Variants in SH3TC1 observed in about 807,000 individuals in gnomAD.
SH3TC1 encodes SH3 domain and tetratricopeptide repeat-containing protein 1.
In SH3TC1, 135 loss-of-function variants were observed where a neutral mutation model predicts 117.3. The observed-to-expected ratio is 1.15, with a 90% confidence interval of 1.00 to 1.33. SH3TC1 has a LOEUF of 1.33. Ranked by LOEUF, SH3TC1 falls within the 40% of genes most tolerant of loss-of-function variation. The pLI, the probability that SH3TC1 is intolerant of heterozygous loss-of-function variation, is 0.00. For synonymous variants in SH3TC1, 898 were observed against 816.9 expected (o/e 1.10, Z -1.69); for missense variants, 2,092 against 1,794.3 (o/e 1.17, Z -3.00).
chr4:8,236,501 G>A, intron 16 of SH3TC1, 73 bp downstream of exon 16: 1 of 1,410,430 alleles, frequency 7.1e-7, no homozygotes, highest in Non-Finnish European at 9.3e-7. Flanking sequence ...CTGCAGGGCA[G>A]GAGCCGAAAC....
In SH3TC1 at chr4:8,236,410, G is replaced by A. The variant is rs1373949226; in HGVS notation, c.3538G>A (p.Ala1180Thr). 1 of 1,507,956 alleles carries A rather than the reference G, an allele frequency of 6.6e-7. No homozygotes were observed. The highest frequency in any genetic ancestry group is 1.4e-5 in the African/African-American group (1 of 71,522). 93.4% of individuals were successfully genotyped at this position (1,507,956 alleles called of 1,614,324 possible). The change falls in exon 16 of 18, where the codon GCA becomes ACA. Residue 1180 changes from alanine to threonine, a missense_variant. Transcript: ENST00000245105. ...CTTGGAGTTTGCCCACATGGCCCTA[G>A]CACTCAGCATCACCCTGGGTAAGCC... ...EGLEFAHMALALSITLGDRLN... is the reference protein window; with the variant it reads ...EGLEFAHMALTLSITLGDRLN...
intron 8 of SH3TC1, among the ~76,000 whole-genome samples, 160 bp downstream of exon 8, chr4:8,218,507 A>C (rs1338859499): frequency 6.6e-6 from 1 of 151,316 alleles, no homozygotes; most frequent in Non-Finnish European, 1.5e-5. Flanking sequence ...CAATGGCAAA[A>C]ACCGCAATTA....
intron 1 of SH3TC1, among the ~76,000 whole-genome samples, chr4:8,187,047 A>G (rs1717241434): frequency 6.6e-6 from 1 of 151,616 alleles, no homozygotes; most frequent in African/African-American, 2.4e-5. Flanking sequence ...GACACCTGCC[A>G]TCCTTCAAAG....
intron 3 of SH3TC1, among the ~76,000 whole-genome samples, chr4:8,212,089 G>A (rs1038080921): frequency 2.0e-5 from 3 of 152,080 alleles, no homozygotes; most frequent in Non-Finnish European, 2.9e-5. Flanking sequence ...TGGTGTGTGA[G>A]TAGGAGGTGT....
chr4:8,232,693 C>T, intron 13 of SH3TC1: 1 of 1,290,512 alleles, frequency 7.7e-7, no homozygotes, highest in Non-Finnish European at 1.0e-6. Flanking sequence ...TGGCCCTGGC[C>T]ACCCCACCCA....
In SH3TC1 at chr4:8,209,065, C is replaced by A. The variant is rs190346894; in HGVS notation, c.173-683C>A. Among the ~76,000 whole-genome samples, 20 of 152,310 alleles carry A rather than the reference C, an allele frequency of 1.3e-4. No individual in the cohort carries two copies. The highest frequency in any genetic ancestry group is 2.1e-4 in the Non-Finnish European group (14 of 68,030). Reference sequence around the variant, plus strand: ...TGACCCCCAGCAGGGAACCAAGCAACCAGTAGGGGTCTATGTCCTGGCTCC... The same window carrying A: ...TGACCCCCAGCAGGGAACCAAGCAAACAGTAGGGGTCTATGTCCTGGCTCC... On this transcript the variant is annotated intron_variant, in intron 2 of 17. Transcript: ENST00000245105. The surrounding 1 kb of genome is among the most constrained non-coding windows in gnomAD (Gnocchi z 5.9).
intron 13 of SH3TC1, 37 bp from the exon 14 acceptor site, chr4:8,233,326 T>C (rs376289927): frequency 1.9e-6 from 3 of 1,570,814 alleles, no homozygotes; most frequent in Admixed American, 3.7e-5. Context: ...TCCAGGAGGA[T>C]GACAGCCCTT....
intron 6 of SH3TC1, 126 bp downstream of exon 6, chr4:8,216,383 C>G (rs1402248403): frequency 7.2e-7 from 1 of 1,380,118 alleles, no homozygotes; most frequent in Non-Finnish European, 9.7e-7. Flanking sequence ...CCTCTGGAGG[C>G]TGAGGGGTGC....
intron 9 of SH3TC1, among the ~76,000 whole-genome samples, chr4:8,220,938 G>C (rs1719863352): frequency 6.6e-6 from 1 of 152,240 alleles, no homozygotes; most frequent in Non-Finnish European, 1.5e-5. Flanking sequence ...CTCACACACT[G>C]CTCCATCATA....
chr4:8,209,749 C>CGA lies in SH3TC1; in HGVS notation c.176_177dup (p.Ala60ArgfsTer26). Reference sequence around the variant, plus strand: ...TCCTGGGAACCTGCTGTGTTGCAGACGAGGCTCCTCCTGCCCGCGTGGCTG... The same window carrying CGA: ...TCCTGGGAACCTGCTGTGTTGCAGACGAGAGGCTCCTCCTGCCCGCGTGGCTG... On this transcript the variant is annotated frameshift_variant and splice_region_variant, in exon 3 of 18. Coordinates refer to ENST00000245105, the MANE Select transcript of SH3TC1 (RefSeq NM_018986.5). LOFTEE classifies it high-confidence loss of function. This position sits in a 1 kb window ranked among gnomAD's most constrained non-coding sequence, Gnocchi z 5.9. 6.2e-7 allele frequency: 1 copy of CGA among 1,613,740 alleles called. No individual in the cohort carries two copies. The highest frequency in any genetic ancestry group is 8.5e-7 in the Non-Finnish European group (1 of 1,179,984).
intron 13 of SH3TC1, chr4:8,232,512 G>T: frequency 7.2e-7 from 1 of 1,390,606 alleles, no homozygotes; most frequent in South Asian, 1.1e-5. Flanking sequence ...TTCACTCCTG[G>T]CCTTCACCTG....
chr4:8,207,632 G>A (rs1489753304), intron 2 of SH3TC1, among the ~76,000 whole-genome samples: 2 of 152,190 alleles, frequency 1.3e-5, no homozygotes, highest in Non-Finnish European at 2.9e-5. Context: ...TTATTTCATT[G>A]TAGGCTCACA....
At chr4:8,220,740 C>CA (rs534715789) in intron 9 of SH3TC1, among the ~76,000 whole-genome samples, 135 of 152,154 alleles carry the variant, frequency 8.9e-4, no homozygotes, top group Middle Eastern at 3.2e-3. Flanking sequence ...TGCGACAGAC[C>CA]AACACCTCTC....
chr4:8,232,384 C>T (rs1721317149), intron 13 of SH3TC1: 3 of 1,584,038 alleles, frequency 1.9e-6, no homozygotes, highest in South Asian at 1.1e-5. Flanking sequence ...GTCTTCCCAT[C>T]CCTGCTTGCA....
rs1210383325 is a variant in SH3TC1 at position 8,227,446 on chromosome 4, G to A, written c.1752G>A (p.Glu584=). ...LKLSQARVYF[E]EALGALEGSF... ...TGTCCCAGGCCCGGGTGTACTTTGA[G>A]GAAGCGCTGGGGGCCCTGGAGGGCA... is the stretch of plus-strand genomic sequence containing the variant. The change falls in exon 12 of 18, where the codon GAG becomes GAA. Residue 584 remains glutamate (E), a synonymous_variant. Coordinates refer to ENST00000245105, the MANE Select transcript of SH3TC1 (RefSeq NM_018986.5). The A allele has an allele frequency of 1.9e-6, 3 of 1,561,004 alleles. No individual in the cohort carries two copies. Among genetic ancestry groups the A allele is most frequent in the Non-Finnish European group, 8.6e-7 (1 of 1,157,834 alleles).
intron 15 of SH3TC1, 149 bp from the exon 16 acceptor site, chr4:8,236,129 A>G: frequency 9.5e-7 from 1 of 1,047,292 alleles, no homozygotes; most frequent in Non-Finnish European, 1.3e-6. Context: ...TGGGTGTCTG[A>G]ACCGCCCTTT....
chr4:8,216,294 G>C, intron 6 of SH3TC1, 37 bp downstream of exon 6: 1 of 1,600,956 alleles, frequency 6.2e-7, no homozygotes, highest in Non-Finnish European at 8.5e-7. Flanking sequence ...AGATCCAGCT[G>C]TGCGGGGCAC....
rs756813291 is a variant in SH3TC1, at chr4:8,216,960, C to G, written c.632C>G (p.Pro211Arg). 8 of 1,613,966 alleles carry G rather than the reference C, an allele frequency of 5.0e-6. No homozygotes were observed. Among genetic ancestry groups the G allele is most frequent in the Non-Finnish European group, 6.8e-6 (8 of 1,179,990 alleles). Residue 211 changes from proline to arginine, a missense_variant, in exon 7 of 18, where the codon CCC becomes CGC. By Grantham distance (103) the Pro-to-Arg change is moderately radical (BLOSUM62 -2). Coordinates refer to ENST00000245105, the MANE Select transcript of SH3TC1 (RefSeq NM_018986.5). The stretch of plus-strand genomic sequence containing the variant: ...GACCACCTCCATCCTTTTGAAGGGC[C>G]CTTCTTTGTCCTGTGTCCTGACCAC... ...THESLLIQEG[P>R]FFVLCPDHHV...
chr4:8,236,299 G>T lies in SH3TC1; in HGVS notation c.3427G>T (p.Val1143Leu). The change falls in exon 16 of 18, where the codon GTG becomes TTG. Residue 1143 changes from valine (V) to leucine (L), a missense_variant. Transcript: ENST00000245105. ...GCAGGACCGGGCCCTGCCCCTGGCAGTGACTACGGGCAACCGCAAGGCGGA... is the reference window on the plus strand; with the variant it reads ...GCAGGACCGGGCCCTGCCCCTGGCATTGACTACGGGCAACCGCAAGGCGGA... The part of the protein sequence containing the change: ...FYRDRALPLA[V>L]TTGNRKAELR... 6.4e-7 allele frequency: 1 copy of T among 1,555,638 alleles called. No homozygotes were observed. Among genetic ancestry groups the T allele is most frequent in the Non-Finnish European group, 8.7e-7 (1 of 1,150,386 alleles).
Sources: gnomAD v4.1 joint callset for allele counts (sites outside exome capture counted in the v4.1 genomes callset) on GRCh38, gnomAD v4.1.1 for gene constraint, Gnocchi (gnomAD v3.1) non-coding constraint, MANE v1.5 for transcripts, NCBI Gene and HGNC (gene_info 2026-07-23, HGNC 2026-07-21) for gene names.